SMURF1: variants seen among roughly 807,000 people sequenced by gnomAD.
The protein encoded by SMURF1 is E3 ubiquitin-protein ligase SMURF1.
In SMURF1, 44 loss-of-function variants were observed where a neutral mutation model predicts 98.0. The observed-to-expected ratio is 0.45, with a 90% CI of 0.35 to 0.58. The LOEUF (loss-of-function observed/expected upper bound fraction) is 0.58, where lower values mean the gene tolerates loss of function less well. Ranked by LOEUF, SMURF1 falls within the 20% of genes least tolerant of loss-of-function variation. The pLI, the probability that SMURF1 is intolerant of heterozygous loss-of-function variation, is 0.00. For missense variants in SMURF1, 687 were observed against 938.4 expected (o/e 0.73, Z 3.50); for synonymous variants, 396 against 374.9 (o/e 1.06, Z -0.65).
rs1379614122 is a variant in SMURF1, at chr7:99,029,518, C to T, written c.*1066G>A. 1 of 152,244 alleles carries T rather than the reference C, an allele frequency of 6.6e-6. No individual in the cohort carries two copies. Among genetic ancestry groups the T allele is most frequent in the Non-Finnish European group, 1.5e-5 (1 of 68,056 alleles). 9.4% of individuals were successfully genotyped at this position (152,244 alleles called of 1,614,324 possible). ...GTGAAGTCGTCCCCCTCTGCTGTCA[C>T]AGGTTTGCGTCCACACCCTACTTTT... On this transcript the variant is annotated 3_prime_UTR_variant, in exon 18 of 18. Coordinates refer to ENST00000361368, the MANE Select transcript of SMURF1 (RefSeq NM_181349.3).
At chr7:99,037,577 G>C (rs1357913181) in intron 14 of SMURF1, among the ~76,000 whole-genome samples, 5 of 152,150 alleles carry the variant, frequency 3.3e-5, no homozygotes, top group Admixed American at 3.3e-4. Context: ...ACAAACATGG[G>C]AACACACTGA....
chr7:99,119,749 G>A (rs1362891640), intron 1 of SMURF1, among the ~76,000 whole-genome samples: 1 of 152,142 alleles, frequency 6.6e-6, no homozygotes, highest in Non-Finnish European at 1.5e-5. Context: ...ACAGGTAAGG[G>A]GGTTCTCTAT....
chr7:99,137,813 C>A (rs1165213500), intron 1 of SMURF1, among the ~76,000 whole-genome samples: 1 of 152,036 alleles, frequency 6.6e-6, no homozygotes, highest in African/African-American at 2.4e-5. Flanking sequence ...CCCCATTAGT[C>A]CAGAAATGTG....
chr7:99,069,680 A>T (rs762358834), intron 1 of SMURF1, among the ~76,000 whole-genome samples: 6 of 150,018 alleles, frequency 4.0e-5, no homozygotes, highest in Non-Finnish European at 5.9e-5. Context: ...TCTGATACAA[A>T]TTTAGGATAT....
In SMURF1 at chr7:99,124,796, C is replaced by T. The variant is rs115646580; in HGVS notation, c.55+18930G>A. Among the ~76,000 whole-genome samples the T allele has an allele frequency of 2.7e-3, 413 of 152,288 alleles. 1 individual carries two copies. The highest frequency in any genetic ancestry group is 9.4e-3 in the African/African-American group (391 of 41,570). ...GATACTAAAGCAAGGACATCCAGGG[C>T]AGGGCCAACTAAACTTCCCTCTGAA... On this transcript the variant is annotated intron_variant, in intron 1 of 17. Transcript: ENST00000361368.
chr7:99,077,176 ATCTT>A (rs1485410274), intron 1 of SMURF1, among the ~76,000 whole-genome samples: 1 of 151,804 alleles, frequency 6.6e-6, no homozygotes, highest in African/African-American at 2.4e-5. Flanking sequence ...CCTGGTTGTA[ATCTT>A]TAAATTTTCT....
intron 1 of SMURF1, among the ~76,000 whole-genome samples, chr7:99,105,186 A>T (rs1405095294): frequency 3.3e-5 from 5 of 152,238 alleles, no homozygotes; most frequent in African/African-American, 1.2e-4. Context: ...ACATCCCAAG[A>T]AGCAGCCAGT....
chr7:99,056,099 C>G (rs1790338347), intron 5 of SMURF1, among the ~76,000 whole-genome samples: 1 of 152,204 alleles, frequency 6.6e-6, no homozygotes, highest in South Asian at 2.1e-4. Context: ...ATTTTTCTCC[C>G]TGGCACATCC....
At chr7:99,112,100 A>C (rs977235000) in intron 1 of SMURF1, among the ~76,000 whole-genome samples, 1 of 152,198 alleles carries the variant, frequency 6.6e-6, no homozygotes, top group African/African-American at 2.4e-5. Context: ...TATGGGCTTC[A>C]TTTGAAGAGC....
chr7:99,046,663 CAG>C (rs1162390866), intron 10 of SMURF1, among the ~76,000 whole-genome samples: 1 of 134,694 alleles, frequency 7.4e-6, no homozygotes, highest in Non-Finnish European at 1.5e-5. Context: ...ACCTGGGAGT[CAG>C]AGGTTGCAGT....
rs541241731 is a variant in SMURF1 at position 99,041,827 on chromosome 7, C to G, written c.1371+291G>C. Among the ~76,000 whole-genome samples the G allele has an allele frequency of 5.0e-4, 76 of 152,366 alleles. 1 individual carries two copies. The highest frequency in any genetic ancestry group is 1.8e-3 in the African/African-American group (73 of 41,582). ...CTTAGAATGACACCATTAACACATACGATCATCACACCAGAGTTCCCTCAA... is the reference window on the plus strand; with the variant it reads ...CTTAGAATGACACCATTAACACATAGGATCATCACACCAGAGTTCCCTCAA... On this transcript the variant is annotated intron_variant, in intron 12 of 17. Transcript: ENST00000361368.
At chr7:99,039,776 A>C (rs543022627) in intron 13 of SMURF1, among the ~76,000 whole-genome samples, 16 of 152,056 alleles carry the variant, frequency 1.1e-4, no homozygotes, top group African/African-American at 3.6e-4. Context: ...CATTCCCTCC[A>C]TCTGTCAGAG....
rs200812976 is a variant in SMURF1 at position 99,033,025 on chromosome 7, C to G, written c.2096+12G>C. 1.6e-4 allele frequency: 250 copies of G among 1,598,920 alleles called. No individual in the cohort carries two copies. In the African/African-American group the frequency reaches 2.8e-3, roughly 18 times the overall value. ...TCCCAGGACGCCGTGACTTCCTGGC[C>G]GCGGTGCTTACCAGGTATGGGCCTT... On this transcript the variant is annotated intron_variant, in intron 17 of 17. Coordinates refer to ENST00000361368, the MANE Select transcript of SMURF1 (RefSeq NM_181349.3).
At chr7:99,108,627 A>AAG (rs1422829551) in intron 1 of SMURF1, among the ~76,000 whole-genome samples, 18 of 148,816 alleles carry the variant, frequency 1.2e-4, no homozygotes, top group African/African-American at 4.4e-4. Context: ...AAAAAAAAAA[A>AAG]AAAAAAAAGA....
In SMURF1 at chr7:99,057,517, C is replaced by A. The variant is rs372179143; in HGVS notation, c.238G>T (p.Val80Leu). The change falls in exon 4 of 18, where the codon GTG becomes TTG. Residue 80 changes from valine (V) to leucine (L), a missense_variant. Physicochemically the swap from Val to Leu is conservative, Grantham distance 32. Coordinates refer to ENST00000361368, the MANE Select transcript of SMURF1 (RefSeq NM_181349.3). ...TTGTGAATTTTCTTATGGTTCCACACGCTAATGGTTATCGAATCCGTTTTC... is the reference window on the plus strand; with the variant it reads ...TTGTGAATTTTCTTATGGTTCCACAAGCTAATGGTTATCGAATCCGTTTTC... Reference protein sequence around the residue: ...VGKTDSITISVWNHKKIHKKQ... With the variant: ...VGKTDSITISLWNHKKIHKKQ... The A allele has an allele frequency of 6.4e-7, 1 of 1,562,508 alleles. No homozygotes were observed. The highest frequency in any genetic ancestry group is 1.2e-5 in the South Asian group (1 of 81,250).
At chr7:99,081,542 G>A (rs1012175584) in intron 1 of SMURF1, 1 of 152,128 alleles carries the variant, frequency 6.6e-6, no homozygotes, top group Admixed American at 6.5e-5. Flanking sequence ...CAACATTCTG[G>A]GGAACTGTCA....
chr7:99,091,797 C>T (rs1022002662), intron 1 of SMURF1, among the ~76,000 whole-genome samples: 1 of 152,228 alleles, frequency 6.6e-6, no homozygotes, highest in Non-Finnish European at 1.5e-5. Context: ...ACCTTCCCCA[C>T]ATGGCTTTCC....
chr7:99,069,959 G>A (rs906190708), intron 1 of SMURF1, among the ~76,000 whole-genome samples: 8 of 152,304 alleles, frequency 5.3e-5, no homozygotes, highest in South Asian at 2.1e-4. Flanking sequence ...AGCACCCACC[G>A]GCCATGCCTA....
At chr7:99,061,768 A>G (rs760896765) in intron 2 of SMURF1, 31 bp downstream of exon 2, 13 of 1,558,572 alleles carry the variant, frequency 8.3e-6, no homozygotes, top group Non-Finnish European at 1.1e-5. Flanking sequence ...GCATAACATT[A>G]TAAGAGGGAA....
Sources: allele counts gnomAD v4.1 joint callset (sites outside exome capture counted in the v4.1 genomes callset), GRCh38; gene constraint gnomAD v4.1.1; transcripts MANE v1.5; gene names NCBI Gene and HGNC (gene_info 2026-07-23, HGNC 2026-07-21).